The following IL1RAPL2 variants were observed in gnomAD, a reference collection of about 807,000 sequenced individuals.
The protein encoded by IL1RAPL2 is X-linked interleukin-1 receptor accessory protein-like 2.
In IL1RAPL2, 3 loss-of-function variants were observed where a neutral mutation model predicts 44.1. That is an observed-to-expected ratio of 0.07 (90% CI 0.03 to 0.18). IL1RAPL2 has a LOEUF of 0.18. Ranked by LOEUF, IL1RAPL2 falls within the 10% of genes least tolerant of loss-of-function variation. The probability of loss-of-function intolerance (pLI) is 1.00; values close to 1 mark genes in which losing one functional copy is unlikely to be tolerated. For missense variants in IL1RAPL2, 391 were observed against 496.4 expected (o/e 0.79, Z 2.02); for synonymous variants, 181 against 178.8 (o/e 1.01, Z -0.10).
At chrX:104,929,075 G>C (rs1308185865) in intron 2 of IL1RAPL2, among the ~76,000 whole-genome samples, 2 of 111,380 alleles carry the variant, frequency 1.8e-5, no homozygotes, top group Non-Finnish European at 3.8e-5. Context: ...AAGTTGACTT[G>C]TATGCAAAAT....
chrX:105,701,926 A>T (rs1458529677), intron 6 of IL1RAPL2, among the ~76,000 whole-genome samples: 3 of 111,573 alleles, frequency 2.7e-5, no homozygotes, highest in Non-Finnish European at 5.6e-5. Flanking sequence ...AGGGCCTCTT[A>T]TCCAGCCTTA....
At chrX:105,584,802 G>T (rs905012950) in intron 6 of IL1RAPL2, among the ~76,000 whole-genome samples, 12 of 110,565 alleles carry the variant, frequency 1.1e-4, no homozygotes, top group Admixed American at 8.7e-4. Context: ...ATGATTAAAG[G>T]TTTTGAGAAA....
At chrX:105,019,046 G>A (rs1233382495) in intron 2 of IL1RAPL2, among the ~76,000 whole-genome samples, 4 of 111,487 alleles carry the variant, frequency 3.6e-5, no homozygotes, top group Non-Finnish European at 7.6e-5. Flanking sequence ...GCCAATTCTT[G>A]AGGGCTTACT....
At chrX:105,598,912 G>T (rs763289529) in intron 6 of IL1RAPL2, among the ~76,000 whole-genome samples, 1 of 112,391 alleles carries the variant, frequency 8.9e-6, no homozygotes, top group African/African-American at 3.2e-5. Flanking sequence ...ACTGCTCTTT[G>T]TTAAGAACCA....
intron 6 of IL1RAPL2, among the ~76,000 whole-genome samples, chrX:105,653,863 A>G (rs1019689540): frequency 9.9e-5 from 11 of 111,271 alleles, no homozygotes; most frequent in Admixed American, 9.5e-4. Context: ...AGGATCAGTG[A>G]GGAGGCTGAG....
chrX:105,143,411 GT>G (rs1342694441), intron 2 of IL1RAPL2, among the ~76,000 whole-genome samples: 3 of 112,123 alleles, frequency 2.7e-5, no homozygotes, highest in Non-Finnish European at 5.6e-5. Flanking sequence ...TCTCACACCA[GT>G]TAGAATGGCG....
chrX:104,602,067 C>T (rs973035183), intron 1 of IL1RAPL2, among the ~76,000 whole-genome samples: 2 of 111,799 alleles, frequency 1.8e-5, no homozygotes, highest in African/African-American at 3.3e-5. Flanking sequence ...GGAACAGCTC[C>T]GGTCTGCAGC....
intron 7 of IL1RAPL2, among the ~76,000 whole-genome samples, chrX:105,725,250 C>T (rs1229121362): frequency 1.8e-5 from 2 of 111,658 alleles, no homozygotes; most frequent in Non-Finnish European, 3.8e-5. Context: ...TCAGGCAATA[C>T]TATAAAACAG....
intron 2 of IL1RAPL2, among the ~76,000 whole-genome samples, chrX:105,142,525 G>A (rs1186884136): frequency 9.0e-6 from 1 of 110,962 alleles, no homozygotes; most frequent in Non-Finnish European, 1.9e-5. Context: ...AGGCACATGC[G>A]GTGGGAGGGG....
At position 104,788,164 on chromosome X, in the gene IL1RAPL2, T is replaced by C. The variant is rs766511989; in HGVS notation, c.82+129169T>C. On this transcript the variant is annotated intron_variant, in intron 2 of 10. Transcript: ENST00000372582. ...TCAGGGCTATGTAGAAATTTAGGCA[T>C]CAGTATGCAGTTTGGGGTACTTTGC... Among the ~76,000 whole-genome samples, 6 of 112,398 alleles carry C rather than the reference T, an allele frequency of 5.3e-5. No individual in the cohort carries two copies. The South Asian group carries it at 2.2e-3, about 42-fold the overall frequency.
At chrX:105,431,886 T>C (rs111859393) in intron 5 of IL1RAPL2, among the ~76,000 whole-genome samples, 2 of 111,092 alleles carry the variant, frequency 1.8e-5, no homozygotes, top group East Asian at 5.8e-4. Context: ...AACAGAAATG[T>C]TGGTGCAAAG....
intron 2 of IL1RAPL2, among the ~76,000 whole-genome samples, chrX:105,070,671 G>A (rs2032194455): frequency 9.1e-6 from 1 of 109,809 alleles, no homozygotes; most frequent in Non-Finnish European, 1.9e-5. Context: ...TCCAGCCTGG[G>A]CAACAGAGTA....
chrX:105,351,617 C>T (rs1435210755), intron 5 of IL1RAPL2, among the ~76,000 whole-genome samples: 3 of 109,942 alleles, frequency 2.7e-5, no homozygotes, highest in Non-Finnish European at 5.7e-5. Flanking sequence ...ACATCACACA[C>T]TGGGGCCTGT....
At chrX:104,971,346 T>C (rs768206767) in intron 2 of IL1RAPL2, among the ~76,000 whole-genome samples, 2 of 110,959 alleles carry the variant, frequency 1.8e-5, no homozygotes, top group African/African-American at 6.6e-5. Flanking sequence ...AGACTCTGTC[T>C]CAAAAAATAA....
At chrX:104,572,480 T>A (rs1928165957) in intron 1 of IL1RAPL2, among the ~76,000 whole-genome samples, 1 of 112,418 alleles carries the variant, frequency 8.9e-6, no homozygotes. Context: ...TTCCTCCCAA[T>A]TTCCATCTCT....
At chrX:105,507,273 A>G (rs1306789221) in intron 6 of IL1RAPL2, among the ~76,000 whole-genome samples, 1 of 112,059 alleles carries the variant, frequency 8.9e-6, no homozygotes, top group African/African-American at 3.2e-5. Flanking sequence ...TGGCTATACT[A>G]TTTTGACCTT....
rs1187012065 is a variant in IL1RAPL2 at position 104,591,711 on chromosome X, AGTT to A, written c.-20+24669_-20+24671del. Among the ~76,000 whole-genome samples, 9 of 108,036 alleles carry A rather than the reference AGTT, an allele frequency of 8.3e-5. No individual in the cohort carries two copies. The South Asian group carries it at 2.9e-3, about 35-fold the overall frequency. The allele number at this position is 108,036 out of a possible 115,157, so 93.8% of individuals were successfully genotyped here. A position where few individuals can be genotyped will look rare whatever the true frequency, so the allele number is the denominator to read the frequency against. On this transcript the variant is annotated intron_variant, in intron 1 of 10. Transcript: ENST00000372582. ...TCATTTCATTTCAACTTTCATTTAC[AGTT>A]GTTGTTGTAAAGGGAAAACATTTTA...
intron 8 of IL1RAPL2, among the ~76,000 whole-genome samples, chrX:105,742,598 T>G (rs906906329): frequency 9.0e-6 from 1 of 111,676 alleles, no homozygotes; most frequent in Non-Finnish European, 1.9e-5. Context: ...TAAGTCATGT[T>G]AACTGACAAT....
chrX:104,699,128 T>A (rs1315949499), intron 2 of IL1RAPL2, among the ~76,000 whole-genome samples: 1 of 111,795 alleles, frequency 8.9e-6, no homozygotes, highest in Non-Finnish European at 1.9e-5. Context: ...CCAACCTTTT[T>A]TACCAGGGAC....
Sources: allele counts gnomAD v4.1 joint callset (sites outside exome capture counted in the v4.1 genomes callset), GRCh38; gene constraint gnomAD v4.1.1; transcripts MANE v1.5; gene names NCBI Gene and HGNC (gene_info 2026-07-23, HGNC 2026-07-21).